Variants in TENM4 observed in about 807,000 individuals in gnomAD.
TENM4 encodes teneurin-4.
A neutral mutation model predicts 243.3 loss-of-function variants in TENM4; 82 were observed. That is an observed-to-expected ratio of 0.34 (90% confidence interval 0.28 to 0.40). TENM4 has a LOEUF of 0.40. TENM4 is among the 10% of genes least tolerant of loss of function. The pLI, the probability that TENM4 is intolerant of heterozygous loss-of-function variation, is 1.00. For missense variants in TENM4, 3,138 were observed against 3,673.3 expected (o/e 0.85, Z 3.77); for synonymous variants, 1,412 against 1,456.3 (o/e 0.97, Z 0.69).
intron 7 of TENM4, among the ~76,000 whole-genome samples, chr11:78,897,363 A>T (rs1855821644): frequency 6.6e-6 from 1 of 152,076 alleles, no homozygotes; most frequent in Admixed American, 6.6e-5. Context: ...GTGAGTATTA[A>T]CACCTATACT....
intron 6 of TENM4, among the ~76,000 whole-genome samples, chr11:78,997,095 T>C (rs1293539031): frequency 6.6e-6 from 1 of 152,182 alleles, no homozygotes; most frequent in Non-Finnish European, 1.5e-5. Context: ...ATTATTTCCA[T>C]CAAAGTGACC....
At position 78,953,749 on chromosome 11, in the gene TENM4, C is replaced by A. The variant is rs191590930; in HGVS notation, c.494-50226G>T. Among the ~76,000 whole-genome samples the A allele has an allele frequency of 2.1e-3, 316 of 152,234 alleles. 3 individuals are homozygous for A. Among genetic ancestry groups the A allele is most frequent in the African/African-American group, 7.2e-3 (300 of 41,538 alleles). ...ATGCAAATACTATGCCATTTTATAT[C>A]AGGGCTTGAGCATCTAGATTTTAGT... On this transcript the variant is annotated intron_variant, in intron 6 of 33. Transcript: ENST00000278550.
chr11:79,230,769 T>G (rs917545400), intron 2 of TENM4, among the ~76,000 whole-genome samples: 1 of 152,202 alleles, frequency 6.6e-6, no homozygotes, highest in South Asian at 2.1e-4. Flanking sequence ...AGACAGGCAG[T>G]GGGCAGGGAG....
In TENM4 at chr11:79,064,725, A is replaced by G. The variant is rs754911273; in HGVS notation, c.493+13T>C. 2 of 1,550,920 alleles carry G rather than the reference A, an allele frequency of 1.3e-6. No individual in the cohort carries two copies. Among genetic ancestry groups the G allele is most frequent in the Middle Eastern group, 1.7e-4 (1 of 5,972 alleles). ...CACCCAGGCACCCGGCACAGACCAA[A>G]CCAGCCACTCACCAGTCTCAGTGTT... On this transcript the variant is annotated intron_variant, in intron 6 of 33. Coordinates refer to ENST00000278550, the MANE Select transcript of TENM4 (RefSeq NM_001098816.3).
intron 2 of TENM4, among the ~76,000 whole-genome samples, chr11:79,229,299 A>C (rs983249493): frequency 2.0e-5 from 3 of 152,198 alleles, no homozygotes; most frequent in African/African-American, 7.2e-5. Context: ...CCACCTTCAG[A>C]AGACCAAAAA....
intron 3 of TENM4, among the ~76,000 whole-genome samples, chr11:79,207,918 A>T (rs1384180723): frequency 6.6e-6 from 1 of 151,276 alleles, no homozygotes; most frequent in Non-Finnish European, 1.5e-5. Context: ...GCCTCCTATG[A>T]TACAGTGTAA....
At chr11:79,263,902 T>C (rs562492998) in intron 2 of TENM4, among the ~76,000 whole-genome samples, 4 of 152,182 alleles carry the variant, frequency 2.6e-5, no homozygotes, top group African/African-American at 9.7e-5. Flanking sequence ...TAGACCTCCC[T>C]ATGCATGGCC....
intron 31 of TENM4, 73 bp downstream of exon 31, chr11:78,671,960 C>T: frequency 6.6e-7 from 1 of 1,518,544 alleles, no homozygotes; most frequent in Non-Finnish European, 8.9e-7. Context: ...CTGAGGCCAC[C>T]AGGCTGGGCT....
At chr11:78,903,609 C>A (rs1285911317) in intron 6 of TENM4, 86 bp from the exon 7 acceptor site, 1 of 1,524,784 alleles carries the variant, frequency 6.6e-7, no homozygotes, top group Non-Finnish European at 8.8e-7. Flanking sequence ...TGAGCAAGAC[C>A]ACAGAAGAGG....
chr11:78,983,332 G>A (rs1176477221), intron 6 of TENM4, among the ~76,000 whole-genome samples: 1 of 152,196 alleles, frequency 6.6e-6, no homozygotes, highest in African/African-American at 2.4e-5. Context: ...CCCACTCTAT[G>A]TCAAACACTC....
At chr11:78,909,491 C>A (rs1390971623) in intron 6 of TENM4, among the ~76,000 whole-genome samples, 5 of 152,212 alleles carry the variant, frequency 3.3e-5, no homozygotes, top group Admixed American at 3.3e-4. Context: ...ATAGACCCTA[C>A]TGTTAAACAT....
chr11:79,024,904 C>T (rs1057201376), intron 6 of TENM4, among the ~76,000 whole-genome samples: 1 of 152,162 alleles, frequency 6.6e-6, no homozygotes, highest in Non-Finnish European at 1.5e-5. Flanking sequence ...TGATTCTTAC[C>T]CGGGGCTCTT....
chr11:79,305,729 T>C (rs1352234436), intron 1 of TENM4, among the ~76,000 whole-genome samples: 2 of 152,130 alleles, frequency 1.3e-5, no homozygotes, highest in Non-Finnish European at 2.9e-5. Flanking sequence ...GATTTGTCCT[T>C]GAGATAATCA....
intron 1 of TENM4, among the ~76,000 whole-genome samples, chr11:79,392,529 C>A (rs572283): frequency 0.42 from 64,502 of 152,042 alleles, 13,693 homozygotes; most frequent in Non-Finnish European, 0.46. Context: ...TCCTGGATCA[C>A]AAGGATTTGG....
chr11:78,770,647 C>G, intron 18 of TENM4, among the ~76,000 whole-genome samples: 1 of 152,330 alleles, frequency 6.6e-6, no homozygotes, highest in Non-Finnish European at 1.5e-5. Context: ...ATTAGATGGT[C>G]TCTTCTTATC....
intron 15 of TENM4, among the ~76,000 whole-genome samples, chr11:78,796,328 A>G (rs758813260): frequency 5.9e-5 from 9 of 152,170 alleles, no homozygotes; most frequent in Non-Finnish European, 1.2e-4. Flanking sequence ...GGAAAGAACT[A>G]GTGAGCAAGG....
chr11:78,917,435 G>A (rs906664575), intron 6 of TENM4, among the ~76,000 whole-genome samples: 3 of 152,232 alleles, frequency 2.0e-5, no homozygotes, highest in African/African-American at 7.2e-5. Context: ...CTAACTAAGT[G>A]TACAAATCAG....
intron 3 of TENM4, among the ~76,000 whole-genome samples, chr11:79,161,477 G>T (rs1486583990): frequency 2.0e-5 from 3 of 152,152 alleles, no homozygotes; most frequent in African/African-American, 7.2e-5. Context: ...CCAACGAGGG[G>T]CTCCTTACCA....
At chr11:78,811,569 A>AACACACACAC (rs749041202) in intron 14 of TENM4, among the ~76,000 whole-genome samples, 77 of 65,116 alleles carry the variant, frequency 1.2e-3, no homozygotes, top group African/African-American at 3.0e-3. Flanking sequence ...CATACACATG[A>AACACACACAC]ACACACACAC....
Sources: gnomAD v4.1 joint callset for allele counts (sites outside exome capture counted in the v4.1 genomes callset) on GRCh38, gnomAD v4.1.1 for gene constraint, MANE v1.5 for transcripts, NCBI Gene and HGNC (gene_info 2026-07-23, HGNC 2026-07-21) for gene names.